The following ESR1 variants were observed in gnomAD, a reference collection of about 807,000 sequenced individuals.
ESR1 encodes estrogen receptor.
Under a neutral mutation model 52.7 loss-of-function variants are expected in ESR1, and 12 were observed. The observed-to-expected ratio is 0.23, with a 90% CI of 0.15 to 0.37. ESR1 has a LOEUF of 0.37. Among genes scored for constraint, ESR1 ranks in the 10% least tolerant of loss-of-function variants. ESR1 has a pLI of 1.00. For missense variants in ESR1, 584 were observed against 779.7 expected (o/e 0.75, Z 2.99); for synonymous variants, 305 against 316.8 (o/e 0.96, Z 0.39).
chr6:151,806,208 T>G (rs1344744598), upstream of ESR1, among the ~76,000 whole-genome samples: 3 of 152,184 alleles, frequency 2.0e-5, no homozygotes, highest in Non-Finnish European at 2.9e-5. Context: ...CTATAGTCAT[T>G]AATGCTAAAC....
At chr6:151,826,226 T>C (rs1202835973) in intron 1 of ESR1, among the ~76,000 whole-genome samples, 1 of 152,190 alleles carries the variant, frequency 6.6e-6, no homozygotes, top group Non-Finnish European at 1.5e-5. Context: ...AAGTTATAAA[T>C]ACCACCTATA....
intron 4 of ESR1, among the ~76,000 whole-genome samples, chr6:152,009,115 A>C: frequency 6.6e-6 from 1 of 151,310 alleles, no homozygotes; most frequent in African/African-American, 2.4e-5. Flanking sequence ...CCCTTCCCCC[A>C]CCCCCTGGGG....
intron 6 of ESR1, among the ~76,000 whole-genome samples, chr6:152,119,236 G>T (rs887834650): frequency 6.6e-6 from 1 of 152,074 alleles, no homozygotes; most frequent in Non-Finnish European, 1.5e-5. Context: ...ACTCTAACCT[G>T]CATTTTTATA....
chr6:151,955,953 T>C (rs2036859436), intron 4 of ESR1, among the ~76,000 whole-genome samples: 1 of 152,152 alleles, frequency 6.6e-6, no homozygotes, highest in Non-Finnish European at 1.5e-5. Context: ...AGCTCCTACT[T>C]ATAAGTGAGA....
rs1254921005 is a variant in ESR1 at position 152,027,547 on chromosome 6, T to A, written c.1235+15753T>A. Among the ~76,000 whole-genome samples the A allele has an allele frequency of 8.5e-5, 13 of 152,162 alleles. No individual in the cohort carries two copies. The East Asian group carries it at 2.3e-3, about 27-fold the overall frequency. Reference sequence around the variant, plus strand: ...TGGACTTTATGCTGAGAAATTTGGCTGCATACAAAATCTCTGGCTTACATT... The same window carrying A: ...TGGACTTTATGCTGAGAAATTTGGCAGCATACAAAATCTCTGGCTTACATT... On this transcript the variant is annotated intron_variant, in intron 5 of 7. Transcript: ENST00000206249.
At chr6:151,908,435 A>G (rs1797772657) in intron 3 of ESR1, among the ~76,000 whole-genome samples, 1 of 152,136 alleles carries the variant, frequency 6.6e-6, no homozygotes, top group South Asian at 2.1e-4. Flanking sequence ...CAATGTCATC[A>G]TGATGATATT....
intron 4 of ESR1, among the ~76,000 whole-genome samples, chr6:152,008,505 C>T (rs2042511267): frequency 6.6e-6 from 1 of 152,070 alleles, no homozygotes; most frequent in Admixed American, 6.6e-5. Context: ...CAAAAGGCCA[C>T]TAAAACTGTC....
chr6:151,706,740 G>C (rs534551248), intron 2 of ESR1, among the ~76,000 whole-genome samples: 1 of 152,286 alleles, frequency 6.6e-6, no homozygotes, highest in East Asian at 1.9e-4. Context: ...TGGAGGAAGT[G>C]TTTCCAGTGT....
At chr6:151,963,665 G>A (rs2037923976) in intron 4 of ESR1, among the ~76,000 whole-genome samples, 1 of 152,086 alleles carries the variant, frequency 6.6e-6, no homozygotes, top group Non-Finnish European at 1.5e-5. Flanking sequence ...ACTTTGCTGT[G>A]CGGAAAGCTT....
intron 3 of ESR1, among the ~76,000 whole-genome samples, chr6:151,913,203 C>T (rs1486161656): frequency 6.6e-6 from 1 of 152,052 alleles, no homozygotes; most frequent in African/African-American, 2.4e-5. Context: ...TTACTAGAAA[C>T]CTTATGACCC....
At chr6:151,812,537 G>A (rs1173603337) in intron 1 of ESR1, among the ~76,000 whole-genome samples, 1 of 152,244 alleles carries the variant, frequency 6.6e-6, no homozygotes, top group East Asian at 1.9e-4. Flanking sequence ...TTTACATAAG[G>A]AAATATATGA....
At chr6:151,758,336 AT>A (rs1277327073) in intron 2 of ESR1, among the ~76,000 whole-genome samples, 1 of 152,224 alleles carries the variant, frequency 6.6e-6, no homozygotes, top group East Asian at 1.9e-4. Flanking sequence ...TCTTCAACCA[AT>A]TTGTTCTTCA....
chr6:152,088,584 C>T (rs948810960), intron 6 of ESR1, among the ~76,000 whole-genome samples: 25 of 152,220 alleles, frequency 1.6e-4, no homozygotes, highest in East Asian at 9.7e-4. Context: ...AATGAGTTAT[C>T]CCAGGAGTGG....
At chr6:151,671,047 C>T (rs2115251294) in intron 1 of ESR1, among the ~76,000 whole-genome samples, 1 of 152,246 alleles carries the variant, frequency 6.6e-6, no homozygotes, top group Non-Finnish European at 1.5e-5. Context: ...TGATTATAGG[C>T]ATGAGCCACT....
intron 2 of ESR1, among the ~76,000 whole-genome samples, chr6:151,847,290 G>A (rs927880669): frequency 3.3e-5 from 5 of 152,186 alleles, no homozygotes; most frequent in Non-Finnish European, 5.9e-5. Context: ...GCTGTGGCCG[G>A]TAAGCAGGCA....
chr6:152,079,511 G>C lies in ESR1; in HGVS notation c.1370-14874G>C, dbSNP rs186013787. On this transcript the variant is annotated intron_variant, in intron 6 of 7. Coordinates refer to ENST00000206249, the MANE Select transcript of ESR1 (RefSeq NM_000125.4). The stretch of plus-strand genomic sequence containing the variant: ...TCATCAACATCAAAGACCAAAGGTA[G>C]ATAAAACCACAAAGATGGGGAGAAA... 9.8e-3 allele frequency among the ~76,000 whole-genome samples: 1,493 copies of C among 152,332 alleles called. 26 individuals are homozygous for C. The highest frequency in any genetic ancestry group is 0.034 in the African/African-American group (1,434 of 41,578).
At chr6:152,080,578 T>C (rs2049114390) in intron 6 of ESR1, among the ~76,000 whole-genome samples, 1 of 152,182 alleles carries the variant, frequency 6.6e-6, no homozygotes, top group African/African-American at 2.4e-5. Flanking sequence ...ATCGACGCTA[T>C]GAAGAAACTG....
chr6:151,806,928 A>T (rs545177351), upstream of ESR1, among the ~76,000 whole-genome samples: 3 of 152,236 alleles, frequency 2.0e-5, no homozygotes, highest in South Asian at 4.1e-4. Flanking sequence ...CCTTCACATG[A>T]GAATTCCTAA....
In ESR1 at chr6:152,102,918, G is replaced by A; in HGVS notation, c.*3952G>A. ...AGGTGCCTGAGACACAGACCCCTTTGCATTCACAGAGAGGTCATTGGTTAT... is the reference window on the plus strand; with the variant it reads ...AGGTGCCTGAGACACAGACCCCTTTACATTCACAGAGAGGTCATTGGTTAT... On this transcript the variant is annotated 3_prime_UTR_variant, in exon 8 of 8. Transcript: ENST00000206249. 4.4e-6 allele frequency: 1 copy of A among 224,782 alleles called. No homozygotes were observed. The highest frequency in any genetic ancestry group is 8.9e-6 in the Non-Finnish European group (1 of 112,570). The allele number at this position is 224,782 out of a possible 1,614,324, so 13.9% of individuals were successfully genotyped here.
Sources: allele counts gnomAD v4.1 joint callset (sites outside exome capture counted in the v4.1 genomes callset), GRCh38; gene constraint gnomAD v4.1.1; transcripts MANE v1.5; gene names NCBI Gene and HGNC (gene_info 2026-07-23, HGNC 2026-07-21).